The following TOX3 variants were observed in gnomAD, a reference collection of about 807,000 sequenced individuals.
The protein encoded by TOX3 is TOX high mobility group box family member 3, also known as CAG trinucleotide repeat-containing gene F9 protein.
TOX3 carries 22 observed loss-of-function variants against 64.3 expected under a neutral mutation model. The observed-to-expected ratio is 0.34, with a 90% CI of 0.24 to 0.49. The LOEUF (loss-of-function observed/expected upper bound fraction) is 0.49. Among genes scored for constraint, TOX3 ranks in the 20% least tolerant of loss-of-function variants. TOX3 has a pLI of 0.99. For missense variants in TOX3, 661 were observed against 714.4 expected, an observed-to-expected ratio of 0.93 and a Z score of 0.85; for synonymous variants, 291 against 273.6, an observed-to-expected ratio of 1.06 and a Z score of -0.63.
Position 52,492,564 on chromosome 16 carries a change from A to AATATATATATATATATATATAT in TOX3, c.88-24012_88-23991dup, listed in dbSNP as rs56848244. 6.8e-4 allele frequency among the ~76,000 whole-genome samples: 62 copies of AATATATATATATATATATATAT among 90,664 alleles called. 1 individual carries two copies. The highest frequency in any genetic ancestry group is 1.1e-3 in the African/African-American group (24 of 22,074). The allele number at this position is 90,664 out of a possible 152,430, so 59.5% of individuals were successfully genotyped here. A position where few individuals can be genotyped will look rare whatever the true frequency, so the allele number is the denominator to read the frequency against. On this transcript the variant is annotated intron_variant, in intron 1 of 6. Coordinates refer to ENST00000219746, the MANE Select transcript of TOX3 (RefSeq NM_001080430.4). ...CACAACACTATATTAGTTGTATATA[A>AATATATATATATATATATATAT]ATATATATATATATATATATATATA... is the stretch of plus-strand genomic sequence containing the variant.
At chr16:52,450,687 T>G in intron 3 of TOX3, 141 bp from the exon 4 acceptor site, 13 of 1,063,504 alleles carry the variant, frequency 1.2e-5, no homozygotes, top group Non-Finnish European at 1.7e-5. Context: ...TGGTCTCCGT[T>G]CATTTATTAA....
chr16:52,498,644 T>TA (rs1376603865), intron 1 of TOX3, among the ~76,000 whole-genome samples: 2 of 152,120 alleles, frequency 1.3e-5, no homozygotes, highest in African/African-American at 4.8e-5. Context: ...CTTCAAGTTT[T>TA]AAAAAAGGCC....
intron 6 of TOX3, 59 bp downstream of exon 6, chr16:52,444,217 G>A: frequency 7.5e-7 from 1 of 1,334,904 alleles, no homozygotes; most frequent in Non-Finnish European, 1.0e-6. Flanking sequence ...TTCAATGCTT[G>A]AGGGCTGTTT....
intron 3 of TOX3, among the ~76,000 whole-genome samples, chr16:52,457,225 T>C (rs1482149611): frequency 6.6e-6 from 1 of 152,206 alleles, no homozygotes; most frequent in Non-Finnish European, 1.5e-5. Flanking sequence ...TTGTTTCTTT[T>C]TGCAAATCTA....
chr16:52,483,573 T>TG (rs1961424930), intron 1 of TOX3, among the ~76,000 whole-genome samples: 1 of 145,558 alleles, frequency 6.9e-6, no homozygotes, highest in African/African-American at 2.6e-5. Flanking sequence ...GGTTTTTTTT[T>TG]TTTTTTTTTT....
chr16:52,490,937 G>C (rs1309694058), intron 1 of TOX3, among the ~76,000 whole-genome samples: 1 of 152,048 alleles, frequency 6.6e-6, no homozygotes, highest in Non-Finnish European at 1.5e-5. Flanking sequence ...CCTAAGATGT[G>C]ATTTTTAACA....
intron 1 of TOX3, among the ~76,000 whole-genome samples, chr16:52,518,226 G>T (rs901078969): frequency 6.6e-6 from 1 of 152,106 alleles, no homozygotes; most frequent in Admixed American, 6.5e-5. Context: ...AGATTTATTT[G>T]ATTCTCAATA....
In TOX3 at chr16:52,444,239, A is replaced by C. The variant is rs1005371987; in HGVS notation, c.987+37T>G. ...CTTGAGGGCTGTTTTCCACGCTGTG[A>C]CTATTTTGGAGCCTGGCCGCCCCTG... is the stretch of plus-strand genomic sequence containing the variant. On this transcript the variant is annotated intron_variant, in intron 6 of 6. Transcript: ENST00000219746. 4.7e-6 allele frequency: 7 copies of C among 1,479,294 alleles called. No individual in the cohort carries two copies. In the African/African-American group the frequency reaches 9.8e-5, roughly 21 times the overall value. The allele number at this position is 1,479,294 out of a possible 1,614,324, so 91.6% of individuals were successfully genotyped here. A position where few individuals can be genotyped will look rare whatever the true frequency, so the allele number is the denominator to read the frequency against.
chr16:52,481,443 T>A (rs2151449255), intron 1 of TOX3, among the ~76,000 whole-genome samples: 1 of 152,368 alleles, frequency 6.6e-6, no homozygotes, highest in Non-Finnish European at 1.5e-5. Context: ...AGGGACTGAA[T>A]GTGTTTATTT....
At chr16:52,449,912 C>T (rs887976321) in intron 4 of TOX3, among the ~76,000 whole-genome samples, 1 of 152,236 alleles carries the variant, frequency 6.6e-6, no homozygotes, top group Non-Finnish European at 1.5e-5. Flanking sequence ...AACTTGCTCA[C>T]ATGGACATTA....
chr16:52,512,296 AC>A (rs1962332882), intron 1 of TOX3, among the ~76,000 whole-genome samples: 1 of 152,226 alleles, frequency 6.6e-6, no homozygotes, highest in Admixed American at 6.5e-5. Flanking sequence ...GAAATAGTTG[AC>A]CAAGTACCAG....
Position 52,450,558 on chromosome 16 carries a change from G to T in TOX3, c.409-12C>A, listed in dbSNP as rs544311093. The stretch of plus-strand genomic sequence containing the variant: ...GTGTGGCTCTGATCCTAGAAAGGCA[G>T]CAACAAAGGGGGAAAATATTTCAGC... On this transcript the variant is annotated splice_polypyrimidine_tract_variant and intron_variant, in intron 3 of 6. Coordinates refer to ENST00000219746, the MANE Select transcript of TOX3 (RefSeq NM_001080430.4). 1.4e-5 allele frequency: 23 copies of T among 1,613,238 alleles called. No homozygotes were observed. In the South Asian group the frequency reaches 2.3e-4, roughly 16 times the overall value.
chr16:52,498,593 G>A (rs74017849), intron 1 of TOX3, among the ~76,000 whole-genome samples: 2 of 152,150 alleles, frequency 1.3e-5, no homozygotes, highest in African/African-American at 2.4e-5. Flanking sequence ...GGGGTTGGGG[G>A]GGGGAGGCTG....
At chr16:52,459,812 G>A (rs570220717) in intron 3 of TOX3, among the ~76,000 whole-genome samples, 6 of 151,954 alleles carry the variant, frequency 3.9e-5, no homozygotes, top group East Asian at 3.9e-4. Context: ...TTCTCTTAAC[G>A]TAAGATTTTT....
chr16:52,461,787 C>T (rs1348484698), intron 3 of TOX3, among the ~76,000 whole-genome samples: 4 of 152,086 alleles, frequency 2.6e-5, no homozygotes, highest in Admixed American at 2.6e-4. Context: ...TAAGGGAAAT[C>T]TCTGAGGAGG....
intron 1 of TOX3, among the ~76,000 whole-genome samples, chr16:52,514,793 C>T (rs1039382186): frequency 7.9e-5 from 12 of 152,128 alleles, no homozygotes; most frequent in East Asian, 1.9e-4. Context: ...GGGTGGATCA[C>T]GAGATCAGGA....
intron 1 of TOX3, among the ~76,000 whole-genome samples, chr16:52,472,286 T>C (rs1961071852): frequency 6.6e-6 from 1 of 152,170 alleles, no homozygotes. Context: ...GAAGCTTACA[T>C]TTTTCTTAAA....
intron 1 of TOX3, among the ~76,000 whole-genome samples, chr16:52,472,878 C>T (rs946903569): frequency 2.0e-5 from 3 of 152,066 alleles, no homozygotes; most frequent in Non-Finnish European, 2.9e-5. Flanking sequence ...AAGATAGAGT[C>T]CCCAAAGATA....
chr16:52,539,218 C>T (rs185636035), intron 1 of TOX3, among the ~76,000 whole-genome samples: 1 of 152,266 alleles, frequency 6.6e-6, no homozygotes, highest in East Asian at 1.9e-4. Context: ...CCCTTAATAA[C>T]CATTTAAGAA....
Sources: gnomAD v4.1 joint callset for allele counts (sites outside exome capture counted in the v4.1 genomes callset) on GRCh38, gnomAD v4.1.1 for gene constraint, MANE v1.5 for transcripts, NCBI Gene and HGNC (gene_info 2026-07-23, HGNC 2026-07-21) for gene names.